Variants in OSBP2 observed in about 807,000 individuals in gnomAD.
OSBP2 encodes oxysterol-binding protein 2.
A neutral mutation model predicts 96.0 loss-of-function variants in OSBP2; 66 were observed. The ratio of observed to expected loss-of-function variants is 0.69; its 90% confidence interval spans 0.56 to 0.84. The LOEUF (loss-of-function observed/expected upper bound fraction) is 0.84. OSBP2 is among the 40% of genes least tolerant of loss of function. The pLI is 0.00. For synonymous variants in OSBP2, 525 were observed against 520.9 expected, an observed-to-expected ratio of 1.01 and a Z score of -0.11; for missense variants, 1,038 against 1,222.7, an observed-to-expected ratio of 0.85 and a Z score of 2.25.
At chr22:30,774,662 G>A (rs2090405463) in intron 2 of OSBP2, among the ~76,000 whole-genome samples, 1 of 152,168 alleles carries the variant, frequency 6.6e-6, no homozygotes, top group East Asian at 1.9e-4. Flanking sequence ...AAGAATTCCG[G>A]ACAATCTAGA....
At chr22:30,791,760 T>A (rs1243051689) in intron 2 of OSBP2, among the ~76,000 whole-genome samples, 1 of 152,156 alleles carries the variant, frequency 6.6e-6, no homozygotes, top group Admixed American at 6.6e-5. Flanking sequence ...GAAGAGTGTC[T>A]TAGCTAGGAA....
At chr22:30,792,065 A>G (rs1213189286) in intron 2 of OSBP2, among the ~76,000 whole-genome samples, 1 of 152,110 alleles carries the variant, frequency 6.6e-6, no homozygotes, top group East Asian at 1.9e-4. Flanking sequence ...TAATCCCAGC[A>G]CTTTGGGAGG....
chr22:30,853,135 G>A (rs1022375223), intron 2 of OSBP2, among the ~76,000 whole-genome samples: 1 of 152,152 alleles, frequency 6.6e-6, no homozygotes, highest in Non-Finnish European at 1.5e-5. Flanking sequence ...CAATTCAGTT[G>A]ATAAAGGAGA....
intron 12 of OSBP2, chr22:30,902,634 C>A: frequency 3.1e-6 from 2 of 635,878 alleles, no homozygotes; most frequent in Non-Finnish European, 2.9e-6. Context: ...TTCAAAGAAC[C>A]GACAGAGGAG....
chr22:30,699,926 A>G (rs1173482042), intron 1 of OSBP2, among the ~76,000 whole-genome samples: 6 of 151,926 alleles, frequency 3.9e-5, no homozygotes, highest in Non-Finnish European at 7.4e-5. Flanking sequence ...CTTTCTGACA[A>G]TGTGCTTGGA....
intron 2 of OSBP2, among the ~76,000 whole-genome samples, chr22:30,850,002 A>T (rs890541890): frequency 6.6e-6 from 1 of 152,058 alleles, no homozygotes; most frequent in Non-Finnish European, 1.5e-5. Flanking sequence ...TGACAGCTTT[A>T]TTGAAATTCA....
In OSBP2 at chr22:30,897,603, A is replaced by G. The variant is rs889581059; in HGVS notation, c.2375+3602A>G. On this transcript the variant is annotated intron_variant, in intron 12 of 13. Coordinates refer to ENST00000332585, the MANE Select transcript of OSBP2 (RefSeq NM_030758.4). ...GCTAAATAACTCATAGGCAAAATAA[A>G]TTAGAATGAAAAAATGCAAAATATG... Among the ~76,000 whole-genome samples the G allele has an allele frequency of 3.3e-5, 5 of 152,348 alleles. 1 individual carries two copies. The highest frequency in any genetic ancestry group is 3.3e-4 in the Admixed American group (5 of 15,302).
At position 30,880,110 on chromosome 22, in the gene OSBP2, G is replaced by A. The variant is rs185038830; in HGVS notation, c.1108-7316G>A. 2.8e-3 allele frequency among the ~76,000 whole-genome samples: 421 copies of A among 152,168 alleles called. 1 individual carries two copies. The highest frequency in any genetic ancestry group is 7.0e-3 in the South Asian group (34 of 4,830). Reference sequence around the variant, plus strand: ...TCAATGGCAGGGGAGGCAAGATCCTGTTACTCCAGTGAGTCCCCTGGCCAT... The same window carrying A: ...TCAATGGCAGGGGAGGCAAGATCCTATTACTCCAGTGAGTCCCCTGGCCAT... On this transcript the variant is annotated intron_variant, in intron 3 of 13. Transcript: ENST00000332585.
chr22:30,870,362 G>C lies in OSBP2; in HGVS notation c.854-67G>C. On this transcript the variant is annotated intron_variant, in intron 2 of 13. Coordinates refer to ENST00000332585, the MANE Select transcript of OSBP2 (RefSeq NM_030758.4). The surrounding 1 kb of genome is among the most constrained non-coding windows in gnomAD (Gnocchi z 4.1). ...CTATCCACCCTGCCCTGCTCGGCCTGGCTGTGCAGGCCTCTTGGTACCACG... is the reference window on the plus strand; with the variant it reads ...CTATCCACCCTGCCCTGCTCGGCCTCGCTGTGCAGGCCTCTTGGTACCACG... The C allele has an allele frequency of 2.6e-6, 4 of 1,544,794 alleles. No individual in the cohort carries two copies. The highest frequency in any genetic ancestry group is 3.5e-6 in the Non-Finnish European group (4 of 1,129,824).
At chr22:30,796,706 C>A (rs571972946) in intron 2 of OSBP2, among the ~76,000 whole-genome samples, 60 of 152,146 alleles carry the variant, frequency 3.9e-4, no homozygotes, top group African/African-American at 1.3e-3. Flanking sequence ...GGGGGGTTCA[C>A]CATGTTGACC....
chr22:30,748,362 C>T (rs947525944), intron 2 of OSBP2, among the ~76,000 whole-genome samples: 1 of 152,116 alleles, frequency 6.6e-6, no homozygotes, highest in Non-Finnish European at 1.5e-5. Flanking sequence ...TGACCCACTG[C>T]ACCTGGCCTA....
At chr22:30,874,216 G>A (rs1313508630) in intron 3 of OSBP2, among the ~76,000 whole-genome samples, 4 of 151,402 alleles carry the variant, frequency 2.6e-5, no homozygotes, top group Non-Finnish European at 5.9e-5. Context: ...CAAACTGAAC[G>A]ACAGAGTGAG....
intron 12 of OSBP2, among the ~76,000 whole-genome samples, chr22:30,897,884 A>C (rs1187746785): frequency 6.7e-6 from 1 of 150,010 alleles, no homozygotes; most frequent in Admixed American, 6.7e-5. Flanking sequence ...TGGAAGGCAG[A>C]GGTGGCAGTG....
intron 1 of OSBP2, among the ~76,000 whole-genome samples, chr22:30,712,871 G>A (rs2089376655): frequency 6.6e-6 from 1 of 152,050 alleles, no homozygotes; most frequent in Admixed American, 6.6e-5. Flanking sequence ...TGGGCTGCCA[G>A]TAAAGGAAGG....
intron 1 of OSBP2, among the ~76,000 whole-genome samples, chr22:30,727,403 A>G (rs959282492): frequency 3.3e-5 from 5 of 152,176 alleles, no homozygotes; most frequent in African/African-American, 1.2e-4. Context: ...CCAAACCTGG[A>G]TATGTTAAGC....
chr22:30,782,291 G>GT (rs1480550365), intron 2 of OSBP2, among the ~76,000 whole-genome samples: 2 of 152,136 alleles, frequency 1.3e-5, no homozygotes, highest in Admixed American at 1.3e-4. Flanking sequence ...ATGCCCTTTT[G>GT]TAATTCCTCC....
At chr22:30,725,549 A>C (rs1345124540) in intron 1 of OSBP2, among the ~76,000 whole-genome samples, 4 of 151,184 alleles carry the variant, frequency 2.6e-5, no homozygotes, top group Admixed American at 6.6e-5. Flanking sequence ...CAAAAACAAA[A>C]AAAAAAACAC....
chr22:30,721,232 C>T (rs960505381), intron 1 of OSBP2, among the ~76,000 whole-genome samples: 1 of 151,930 alleles, frequency 6.6e-6, no homozygotes, highest in Admixed American at 6.6e-5. Flanking sequence ...TCTAAAAAAA[C>T]CAAACCAAAC....
intron 2 of OSBP2, among the ~76,000 whole-genome samples, chr22:30,807,071 G>T (rs535399229): frequency 6.6e-6 from 1 of 152,246 alleles, no homozygotes; most frequent in South Asian, 2.1e-4. Context: ...ACCCTGCCTC[G>T]ATGGTTACTT....
Sources: allele counts gnomAD v4.1 joint callset (sites outside exome capture counted in the v4.1 genomes callset), GRCh38; gene constraint gnomAD v4.1.1; non-coding constraint Gnocchi (gnomAD v3.1); transcripts MANE v1.5; gene names NCBI Gene and HGNC (gene_info 2026-07-23, HGNC 2026-07-21).